PARVB: variants seen among roughly 807,000 people sequenced by gnomAD.
PARVB encodes beta-parvin.
A neutral mutation model predicts 47.0 loss-of-function variants in PARVB; 46 were observed. That is an observed-to-expected ratio of 0.98 (90% CI 0.77 to 1.25). The LOEUF is 1.25. PARVB is among the 50% of genes most tolerant of loss of function. PARVB has a pLI of 0.00. For missense variants in PARVB, 473 were observed against 471.6 expected (o/e 1.00, Z -0.03); for synonymous variants, 196 against 196.3 (o/e 1.00, Z 0.01).
intron 11 of PARVB, among the ~76,000 whole-genome samples, chr22:44,162,500 T>G (rs973590742): frequency 7.4e-6 from 1 of 135,588 alleles, no homozygotes; most frequent in Non-Finnish European, 1.6e-5. Context: ...TTTTGTATTT[T>G]TAGTAGAGAT....
intron 2 of PARVB, among the ~76,000 whole-genome samples, chr22:43,999,851 A>AAC (rs2050396202): frequency 3.3e-5 from 5 of 149,918 alleles, no homozygotes; most frequent in South Asian, 2.1e-4. Context: ...AAAAAAAAAA[A>AAC]AAAAAAACAG....
chr22:44,133,471 C>T (rs947148538), intron 6 of PARVB, among the ~76,000 whole-genome samples: 3 of 152,206 alleles, frequency 2.0e-5, no homozygotes, highest in Non-Finnish European at 4.4e-5. Flanking sequence ...GAACCAGAAC[C>T]CAGGTCCTTC....
intron 3 of PARVB, chr22:44,104,802 C>G (rs970177721): frequency 1.3e-5 from 2 of 152,298 alleles, no homozygotes; most frequent in Non-Finnish European, 2.9e-5. Flanking sequence ...GGACATCCCA[C>G]AAGCCCACCC....
rs114629647 is a variant in PARVB, at chr22:44,100,245, A to G, written c.273+122A>G. The G allele has an allele frequency of 2.5e-4, 190 of 766,748 alleles. No individual in the cohort carries two copies. The African/African-American group carries it at 3.0e-3, about 12-fold the overall frequency. 47.5% of individuals were successfully genotyped at this position (766,748 alleles called of 1,614,324 possible). A position where few individuals can be genotyped will look rare whatever the true frequency, so the allele number is the denominator to read the frequency against. The stretch of plus-strand genomic sequence containing the variant: ...CTCCTGAAAGGGATGTTGGTGCTGC[A>G]TGAGAAGGTGGGCAGACATGTTGGC... On this transcript the variant is annotated intron_variant, in intron 3 of 12. Coordinates refer to ENST00000338758, the MANE Select transcript of PARVB (RefSeq NM_013327.5).
chr22:44,070,274 C>A (rs901929468), intron 1 of PARVB, among the ~76,000 whole-genome samples: 4 of 152,206 alleles, frequency 2.6e-5, no homozygotes, highest in African/African-American at 9.6e-5. Flanking sequence ...GCCTGGCTCC[C>A]TAGTCAGTGC....
chr22:44,006,325 AT>A (rs368458822), intron 2 of PARVB, among the ~76,000 whole-genome samples: 270 of 152,360 alleles, frequency 1.8e-3, no homozygotes, highest in Non-Finnish European at 3.3e-3. Flanking sequence ...CTGACGATAC[AT>A]TAGAAATGCA....
Position 44,049,080 on chromosome 22 carries a change from C to T in PARVB, c.112+24629C>T, listed in dbSNP as rs545888918. ...ATCCGGGCTGCAGGTCCAGGCTTTC[C>T]GGCTCCAGGGCTGGTGCCCTCTGTC... On this transcript the variant is annotated intron_variant, in intron 1 of 12. Transcript: ENST00000338758. The surrounding 1 kb of genome is among the most constrained non-coding windows in gnomAD (Gnocchi z 4.0). Among the ~76,000 whole-genome samples the T allele has an allele frequency of 5.3e-5, 8 of 152,274 alleles. No individual in the cohort carries two copies. Among genetic ancestry groups the T allele is most frequent in the South Asian group, 4.1e-4 (2 of 4,828 alleles).
At chr22:44,158,653 A>T (rs1344499659) in intron 11 of PARVB, among the ~76,000 whole-genome samples, 1 of 152,006 alleles carries the variant, frequency 6.6e-6, no homozygotes, top group Non-Finnish European at 1.5e-5. Context: ...ATTCCTTTCA[A>T]TCTGGGCTGG....
chr22:44,134,497 T>C (rs76622194), intron 6 of PARVB, among the ~76,000 whole-genome samples: 69 of 152,352 alleles, frequency 4.5e-4, no homozygotes, highest in Admixed American at 1.1e-3. Context: ...ATCTTTGCGG[T>C]TTGCAGAAAG....
intron 9 of PARVB, chr22:44,151,210 T>G: frequency 5.6e-6 from 2 of 358,720 alleles, no homozygotes; most frequent in Admixed American, 3.8e-5. Context: ...TCCAGTATGA[T>G]TGTTAAATAT....
chr22:44,151,614 C>A, intron 10 of PARVB, 63 bp downstream of exon 10: 1 of 1,308,586 alleles, frequency 7.6e-7, no homozygotes, highest in Non-Finnish European at 1.1e-6. Context: ...GTGTTTTGAT[C>A]CCAGGTGGGG....
intron 1 of PARVB, among the ~76,000 whole-genome samples, chr22:44,053,719 G>C (rs746280075): frequency 1.3e-5 from 2 of 152,218 alleles, no homozygotes; most frequent in Non-Finnish European, 2.9e-5. Context: ...GTAAGTCAGG[G>C]TTCCCACAGC....
intron 3 of PARVB, 71 bp downstream of exon 3, chr22:44,100,194 A>G (rs1442393458): frequency 4.9e-6 from 6 of 1,228,094 alleles, no homozygotes; most frequent in Non-Finnish European, 7.2e-6. Flanking sequence ...CAGGGCTCTC[A>G]TGGACAAAGG....
At chr22:44,133,069 C>T (rs1284566318) in intron 6 of PARVB, 60 bp downstream of exon 6, 2 of 1,199,148 alleles carry the variant, frequency 1.7e-6, no homozygotes, top group Non-Finnish European at 2.4e-6. Flanking sequence ...ACATCTTCCT[C>T]CTGCAGTTTT....
Position 44,158,086 on chromosome 22 carries a change from A to G in PARVB, c.945+3A>G. On this transcript the variant is annotated splice_donor_region_variant and intron_variant, in intron 11 of 12. Transcript: ENST00000338758. ...CTCCGGAAAGCTTCGATCAGAAGGT[A>G]TGTGCATGGTCTCCATCCTTGGTAG... is the stretch of plus-strand genomic sequence containing the variant. 6.3e-7 allele frequency: 1 copy of G among 1,593,118 alleles called. No individual in the cohort carries two copies. The highest frequency in any genetic ancestry group is 1.1e-5 in the South Asian group (1 of 90,676).
At chr22:44,118,079 C>T (rs996322413) in intron 3 of PARVB, among the ~76,000 whole-genome samples, 3 of 152,136 alleles carry the variant, frequency 2.0e-5, no homozygotes, top group Non-Finnish European at 4.4e-5. Flanking sequence ...AAAAATGAAA[C>T]TCACATCCAC....
intron 2 of PARVB, among the ~76,000 whole-genome samples, 190 bp downstream of exon 2, chr22:44,094,207 T>G (rs1183184006): frequency 6.6e-6 from 1 of 152,232 alleles, no homozygotes; most frequent in Non-Finnish European, 1.5e-5. Context: ...AGTCCTTCAT[T>G]AAGGGTTTCT....
chr22:44,128,484 G>A (rs1265888579), intron 4 of PARVB, among the ~76,000 whole-genome samples: 2 of 152,240 alleles, frequency 1.3e-5, no homozygotes, highest in Non-Finnish European at 2.9e-5. Flanking sequence ...GTGATCATGT[G>A]CCGTATTCTC....
intron 3 of PARVB, among the ~76,000 whole-genome samples, chr22:44,116,721 C>G (rs2052913486): frequency 6.6e-6 from 1 of 152,068 alleles, no homozygotes; most frequent in African/African-American, 2.4e-5. Context: ...AGACAGGGTG[C>G]TGGGGGACTG....
Sources: gnomAD v4.1 joint callset for allele counts (sites outside exome capture counted in the v4.1 genomes callset) on GRCh38, gnomAD v4.1.1 for gene constraint, Gnocchi (gnomAD v3.1) non-coding constraint, MANE v1.5 for transcripts, NCBI Gene and HGNC (gene_info 2026-07-23, HGNC 2026-07-21) for gene names.